Variants in FRMD4A observed in about 807,000 individuals in gnomAD.
The protein encoded by FRMD4A is FERM domain-containing protein 4A.
In FRMD4A, 29 loss-of-function variants were observed where a neutral mutation model predicts 129.1. The ratio of observed to expected loss-of-function variants is 0.22; its 90% CI spans 0.17 to 0.31. The LOEUF (loss-of-function observed/expected upper bound fraction) is 0.31, where lower values mean the gene tolerates loss of function less well. Ranked by LOEUF, FRMD4A falls within the 10% of genes least tolerant of loss-of-function variation. The pLI is 1.00. For missense variants in FRMD4A, 1,272 were observed against 1,375.8 expected, an observed-to-expected ratio of 0.92 and a Z score of 1.19; for synonymous variants, 634 against 571.6, an observed-to-expected ratio of 1.11 and a Z score of -1.56.
chr10:13,652,206 T>G, intron 23 of FRMD4A: 1 of 578,790 alleles, frequency 1.7e-6, no homozygotes, highest in Non-Finnish European at 3.1e-6. Flanking sequence ...ATGGCCTCAT[T>G]TTGTATCACA....
At chr10:13,901,153 C>T (rs553262020) in intron 2 of FRMD4A, among the ~76,000 whole-genome samples, 5 of 152,294 alleles carry the variant, frequency 3.3e-5, no homozygotes, top group African/African-American at 4.8e-5. Flanking sequence ...ATTCCAGAGC[C>T]GGTGCTCTCA....
intron 2 of FRMD4A, among the ~76,000 whole-genome samples, chr10:13,916,559 T>C (rs539737116): frequency 3.3e-5 from 5 of 152,238 alleles, no homozygotes; most frequent in East Asian, 3.8e-4. Context: ...GCAGGTGTTA[T>C]ACCCATTTTA....
Position 13,705,944 on chromosome 10 carries a change from A to G in FRMD4A, c.836+1093T>C, listed in dbSNP as rs560959295. Among the ~76,000 whole-genome samples the G allele has an allele frequency of 8.5e-5, 13 of 152,212 alleles. No individual in the cohort carries two copies. In the East Asian group the frequency reaches 2.3e-3, roughly 27 times the overall value. The stretch of plus-strand genomic sequence containing the variant: ...GGAGGGCAAGCACGGCTTCATTCCT[A>G]CCGGGTTATCATGGGCTGCAGGAAC... On this transcript the variant is annotated intron_variant, in intron 13 of 24. Transcript: ENST00000357447.
At chr10:13,890,755 G>A in intron 2 of FRMD4A, 1 of 985,400 alleles carries the variant, frequency 1.0e-6, no homozygotes, top group Non-Finnish European at 1.2e-6. Flanking sequence ...TCCTTTGCGG[G>A]CATTGGTTCT....
At chr10:14,034,880 G>T (rs1413605437) in intron 2 of FRMD4A, among the ~76,000 whole-genome samples, 1 of 152,156 alleles carries the variant, frequency 6.6e-6, no homozygotes, top group African/African-American at 2.4e-5. Context: ...CAATTTCCTG[G>T]TGGGAGGACA....
chr10:13,766,148 A>G (rs768481554), intron 6 of FRMD4A, among the ~76,000 whole-genome samples: 1 of 152,250 alleles, frequency 6.6e-6, no homozygotes, highest in Non-Finnish European at 1.5e-5. Context: ...TACACAGCCC[A>G]TTATGTGGTC....
chr10:14,120,121 C>T (rs1257623695), intron 2 of FRMD4A, among the ~76,000 whole-genome samples: 1 of 151,938 alleles, frequency 6.6e-6, no homozygotes, highest in East Asian at 1.9e-4. Context: ...TTCCATCTCC[C>T]AGGAGATAGG....
At chr10:13,921,027 G>A (rs2095064714) in intron 2 of FRMD4A, among the ~76,000 whole-genome samples, 1 of 152,080 alleles carries the variant, frequency 6.6e-6, no homozygotes, top group South Asian at 2.1e-4. Context: ...TACATAGACT[G>A]GGTTCTATTA....
intron 2 of FRMD4A, among the ~76,000 whole-genome samples, chr10:13,885,909 TTCTC>T (rs139291183): frequency 1.3e-5 from 2 of 149,720 alleles, no homozygotes; most frequent in Admixed American, 6.7e-5. Flanking sequence ...CCATCTCTCC[TTCTC>T]TCTCTCTCTC....
intron 2 of FRMD4A, among the ~76,000 whole-genome samples, chr10:14,127,986 CTCTCTCTCTCTCT>C (rs1838981111): frequency 1.7e-5 from 2 of 117,036 alleles, no homozygotes; most frequent in Admixed American, 9.1e-5. Flanking sequence ...TTCCTTCTCT[CTCTCTCTCTCTCT>C]CTTTCTTTCT....
At chr10:14,109,311 T>G (rs1837751998) in intron 2 of FRMD4A, among the ~76,000 whole-genome samples, 1 of 152,190 alleles carries the variant, frequency 6.6e-6, no homozygotes, top group African/African-American at 2.4e-5. Flanking sequence ...ATTTGTTCTC[T>G]TCCATAGTCA....
At chr10:13,681,484 C>A (rs2084581426) in intron 15 of FRMD4A, among the ~76,000 whole-genome samples, 1 of 151,622 alleles carries the variant, frequency 6.6e-6, no homozygotes, top group African/African-American at 2.4e-5. Flanking sequence ...GTTGTCCAAA[C>A]ATGAGTTGGT....
rs138445112 is a variant in FRMD4A, at chr10:14,071,317, G to A, written c.46-212405C>T. Among the ~76,000 whole-genome samples the A allele has an allele frequency of 4.5e-3, 685 of 152,330 alleles. 1 individual carries two copies. The highest frequency in any genetic ancestry group is 4.6e-3 in the Non-Finnish European group (312 of 68,032). On this transcript the variant is annotated intron_variant, in intron 2 of 24. Transcript: ENST00000357447. ...GCTGGCATCTTGGATCTGCTGGGGA[G>A]GAAGTCTGTTTAATGCAATTGACCT...
intron 2 of FRMD4A, among the ~76,000 whole-genome samples, chr10:14,023,292 G>A (rs1832844191): frequency 6.6e-6 from 1 of 151,948 alleles, no homozygotes; most frequent in Non-Finnish European, 1.5e-5. Flanking sequence ...AATTCTGCCA[G>A]CACAATGTTG....
intron 2 of FRMD4A, among the ~76,000 whole-genome samples, chr10:14,290,918 C>T (rs747116321): frequency 1.3e-5 from 2 of 151,988 alleles, no homozygotes; most frequent in Non-Finnish European, 2.9e-5. Context: ...TAAAAGGTGT[C>T]TATTATTACT....
chr10:13,687,515 G>C (rs2085206887), intron 15 of FRMD4A, among the ~76,000 whole-genome samples: 1 of 152,194 alleles, frequency 6.6e-6, no homozygotes, highest in South Asian at 2.1e-4. Flanking sequence ...CATGAGATGG[G>C]AAGGAAGGAA....
chr10:14,180,439 G>A (rs746746679), intron 2 of FRMD4A, among the ~76,000 whole-genome samples: 1 of 152,140 alleles, frequency 6.6e-6, no homozygotes, highest in African/African-American at 2.4e-5. Context: ...TTTGAAATGC[G>A]CATGGGAAAG....
At chr10:13,790,893 C>A (rs2092985660) in intron 5 of FRMD4A, among the ~76,000 whole-genome samples, 3 of 151,488 alleles carry the variant, frequency 2.0e-5, no homozygotes, top group Non-Finnish European at 2.9e-5. Flanking sequence ...GGGACGTGGT[C>A]ACAAAGGGGA....
At chr10:14,299,856 C>G (rs367850173) in intron 2 of FRMD4A, among the ~76,000 whole-genome samples, 2 of 152,064 alleles carry the variant, frequency 1.3e-5, no homozygotes, top group Non-Finnish European at 2.9e-5. Context: ...AAGCTGAGAC[C>G]GAAGGAGCAG....
Sources: allele counts gnomAD v4.1 joint callset (sites outside exome capture counted in the v4.1 genomes callset), GRCh38; gene constraint gnomAD v4.1.1; transcripts MANE v1.5; gene names NCBI Gene and HGNC (gene_info 2026-07-23, HGNC 2026-07-21).